The following SYTL3 variants were observed in gnomAD, a reference collection of about 807,000 sequenced individuals.
SYTL3 encodes synaptotagmin-like protein 3.
In SYTL3, 88 loss-of-function variants were observed where a neutral mutation model predicts 82.1. The ratio of observed to expected loss-of-function variants is 1.07; its 90% CI spans 0.90 to 1.28. The LOEUF (loss-of-function observed/expected upper bound fraction) is 1.28. Ranked by LOEUF, SYTL3 falls within the 50% of genes most tolerant of loss-of-function variation. The pLI, the probability that SYTL3 is intolerant of heterozygous loss-of-function variation, is 0.00. For synonymous variants in SYTL3, 311 were observed against 289.4 expected, an observed-to-expected ratio of 1.07 and a Z score of -0.76; for missense variants, 831 against 757.6, an observed-to-expected ratio of 1.10 and a Z score of -1.14.
At chr6:158,729,521 C>T (rs1244282696) in intron 11 of SYTL3, among the ~76,000 whole-genome samples, 2 of 152,038 alleles carry the variant, frequency 1.3e-5, no homozygotes, top group Non-Finnish European at 2.9e-5. Context: ...TTTCAAGCTG[C>T]CTGCTTAGCC....
chr6:158,692,634 G>C (rs907288311), intron 6 of SYTL3, among the ~76,000 whole-genome samples: 10 of 151,904 alleles, frequency 6.6e-5, no homozygotes, highest in African/African-American at 2.4e-4. Flanking sequence ...TCAGGCTCAT[G>C]AATTAAAAGA....
chr6:158,701,232 G>GCTGGGGTGTAGATGAAGGGCTGT, intron 6 of SYTL3, among the ~76,000 whole-genome samples: 1 of 36,744 alleles, frequency 2.7e-5, no homozygotes, highest in Non-Finnish European at 4.9e-5. Flanking sequence ...AGGAGTGTGA[G>GCTGGGGTGTAGATGAAGGGCTGT]CTGGGGTGTA....
intron 12 of SYTL3, among the ~76,000 whole-genome samples, chr6:158,748,436 G>A (rs1406173339): frequency 1.3e-5 from 2 of 152,112 alleles, no homozygotes; most frequent in Non-Finnish European, 2.9e-5. Flanking sequence ...AATAGTCTTT[G>A]CCCCAAAAGT....
rs953139170 is a variant in SYTL3 at position 158,757,234 on chromosome 6, G to A, written c.1161G>A (p.Leu387=). Reference sequence around the variant, plus strand: ...AGTATCAGGTGGCCCCTGCCCAGCTGGTGACCCGGCAGCTGCAGGTCTCGG... The same window carrying A: ...AGTATCAGGTGGCCCCTGCCCAGCTAGTGACCCGGCAGCTGCAGGTCTCGG... The part of the protein sequence containing the change: ...TLKYQVAPAQ[L]VTRQLQVSVW... Residue 387 remains leucine (L), a synonymous_variant, in exon 14 of 18, where the codon CTG becomes CTA. Coordinates refer to ENST00000611299, the MANE Select transcript of SYTL3 (RefSeq NM_001242394.2). 1.2e-6 allele frequency: 2 copies of A among 1,611,178 alleles called. No homozygotes were observed. The highest frequency in any genetic ancestry group is 1.7e-6 in the Non-Finnish European group (2 of 1,179,936).
intron 2 of SYTL3, among the ~76,000 whole-genome samples, chr6:158,656,323 C>G (rs1202436432): frequency 6.6e-6 from 1 of 152,202 alleles, no homozygotes; most frequent in African/African-American, 2.4e-5. Flanking sequence ...AGCAACATCA[C>G]TGCTGCTCTG....
chr6:158,749,188 G>T (rs1467141397), intron 12 of SYTL3, among the ~76,000 whole-genome samples: 1 of 151,832 alleles, frequency 6.6e-6, no homozygotes, highest in Admixed American at 6.6e-5. Context: ...TCATGCCACT[G>T]CACTCCAGCC....
At chr6:158,758,040 C>CG (rs1436897427) in intron 14 of SYTL3, among the ~76,000 whole-genome samples, 1 of 152,094 alleles carries the variant, frequency 6.6e-6, no homozygotes, top group African/African-American at 2.4e-5. Context: ...TAGCATTTCT[C>CG]GGAGACGCTG....
intron 11 of SYTL3, among the ~76,000 whole-genome samples, chr6:158,744,984 C>T (rs1042916023): frequency 6.6e-6 from 1 of 152,164 alleles, no homozygotes; most frequent in African/African-American, 2.4e-5. Flanking sequence ...ATTTATTCCT[C>T]ACCATAGCCC....
At chr6:158,691,985 A>G (rs1356220032) in intron 6 of SYTL3, among the ~76,000 whole-genome samples, 1 of 144,154 alleles carries the variant, frequency 6.9e-6, no homozygotes, top group Non-Finnish European at 1.5e-5. Flanking sequence ...AAATAGTTGT[A>G]ATTTCTTAAT....
chr6:158,651,311 G>A (rs544367574), intron 1 of SYTL3, among the ~76,000 whole-genome samples: 10 of 152,254 alleles, frequency 6.6e-5, no homozygotes, highest in African/African-American at 2.2e-4. Flanking sequence ...ATTAATTCTC[G>A]GCCGGGTGTG....
intron 6 of SYTL3, among the ~76,000 whole-genome samples, chr6:158,703,810 T>G (rs1291939222): frequency 1.6e-5 from 2 of 121,874 alleles, no homozygotes; most frequent in Non-Finnish European, 3.4e-5. Flanking sequence ...AGAGTGGGTT[T>G]TATATTATTA....
intron 3 of SYTL3, among the ~76,000 whole-genome samples, chr6:158,661,757 C>T (rs1236869606): frequency 2.6e-5 from 4 of 152,152 alleles, no homozygotes; most frequent in Admixed American, 2.0e-4. Flanking sequence ...GTGACTTTGT[C>T]ACCAACAGAA....
At chr6:158,654,222 G>T (rs542214930) in intron 2 of SYTL3, among the ~76,000 whole-genome samples, 175 of 152,252 alleles carry the variant, frequency 1.1e-3, no homozygotes, top group African/African-American at 3.9e-3. Flanking sequence ...CTTGGGTTTT[G>T]TACTCATCCC....
intron 14 of SYTL3, among the ~76,000 whole-genome samples, chr6:158,758,239 G>T (rs539218962): frequency 2.5e-4 from 38 of 152,270 alleles, no homozygotes; most frequent in African/African-American, 9.1e-4. Context: ...AGGAGATTGA[G>T]ACCATCCTGG....
intron 10 of SYTL3, among the ~76,000 whole-genome samples, chr6:158,719,794 C>A (rs1369017956): frequency 6.6e-6 from 1 of 152,216 alleles, no homozygotes; most frequent in African/African-American, 2.4e-5. Context: ...ATTGTTACTC[C>A]CATGATAAAG....
chr6:158,740,496 T>C (rs1018863938), intron 11 of SYTL3, among the ~76,000 whole-genome samples: 44 of 152,304 alleles, frequency 2.9e-4, no homozygotes, highest in African/African-American at 1.0e-3. Flanking sequence ...CTATTTTTAT[T>C]GTGCATTTTT....
chr6:158,657,140 T>A (rs566680905), intron 2 of SYTL3, among the ~76,000 whole-genome samples: 3 of 151,870 alleles, frequency 2.0e-5, no homozygotes, highest in Non-Finnish European at 4.4e-5. Context: ...AAACCCTTAG[T>A]AGTGGCCGGG....
At chr6:158,734,388 C>T (rs553310149) in intron 11 of SYTL3, among the ~76,000 whole-genome samples, 118 of 152,152 alleles carry the variant, frequency 7.8e-4, no homozygotes, top group Non-Finnish European at 1.4e-3. Flanking sequence ...TAGCCAAGTA[C>T]GTGGGCTTGG....
At chr6:158,764,420 T>TC (rs1175833616) in intron 17 of SYTL3, 75 bp from the exon 18 acceptor site, 1 of 1,155,660 alleles carries the variant, frequency 8.7e-7, no homozygotes, top group African/African-American at 1.5e-5. Context: ...TGGCTGGTCA[T>TC]CATTTTTAAA....
Sources: gnomAD v4.1 joint callset for allele counts (sites outside exome capture counted in the v4.1 genomes callset) on GRCh38, gnomAD v4.1.1 for gene constraint, MANE v1.5 for transcripts, NCBI Gene and HGNC (gene_info 2026-07-23, HGNC 2026-07-21) for gene names.